The following TNRC6C variants were observed in gnomAD, a reference collection of about 807,000 sequenced individuals.
TNRC6C encodes trinucleotide repeat containing adaptor 6C, also known as trinucleotide repeat-containing gene 6C protein.
A neutral mutation model predicts 153.7 loss-of-function variants in TNRC6C; 20 were observed. The observed-to-expected ratio is 0.13, with a 90% CI of 0.09 to 0.19. The LOEUF (loss-of-function observed/expected upper bound fraction) is 0.19, where lower values mean the gene tolerates loss of function less well. Ranked by LOEUF, TNRC6C falls within the 10% of genes least tolerant of loss-of-function variation. The pLI, the probability that TNRC6C is intolerant of heterozygous loss-of-function variation, is 1.00. For synonymous variants in TNRC6C, 811 were observed against 841.4 expected (o/e 0.96, Z 0.63); for missense variants, 1,987 against 2,172.0 (o/e 0.91, Z 1.69).
chr17:77,979,392 T>A (rs781505484), intron 1 of TNRC6C, among the ~76,000 whole-genome samples: 12 of 152,180 alleles, frequency 7.9e-5, no homozygotes, highest in Non-Finnish European at 1.6e-4. Context: ...CTGTTATGCA[T>A]CAATTAAAAA....
intron 1 of TNRC6C, among the ~76,000 whole-genome samples, chr17:78,010,497 AAT>A (rs1217458510): frequency 1.3e-5 from 2 of 152,318 alleles, no homozygotes; most frequent in East Asian, 3.9e-4. Flanking sequence ...CACACATAGA[AAT>A]ATATGTTTTT....
At chr17:77,980,149 T>TA (rs1359751326) in intron 1 of TNRC6C, among the ~76,000 whole-genome samples, 3 of 152,214 alleles carry the variant, frequency 2.0e-5, no homozygotes, top group Non-Finnish European at 4.4e-5. Context: ...AAAGGATAGA[T>TA]AGACGAATAC....
chr17:78,062,229 A>AC (rs2072783550), intron 3 of TNRC6C, among the ~76,000 whole-genome samples: 1 of 152,094 alleles, frequency 6.6e-6, no homozygotes. Flanking sequence ...GTTAGGACTA[A>AC]CTCCCCTGTT....
chr17:77,993,108 C>G (rs568743977), intron 1 of TNRC6C, among the ~76,000 whole-genome samples: 1 of 151,970 alleles, frequency 6.6e-6, no homozygotes, highest in Non-Finnish European at 1.5e-5. Context: ...TGGGATTACA[C>G]CCGCCATCAT....
chr17:78,086,272 G>A (rs954632627), intron 11 of TNRC6C, among the ~76,000 whole-genome samples: 2 of 139,050 alleles, frequency 1.4e-5, no homozygotes, highest in African/African-American at 5.3e-5. Flanking sequence ...AGAGGTGGCA[G>A]TGAGCTGAGA....
chr17:78,102,077 G>A (rs928112801), intron 17 of TNRC6C, among the ~76,000 whole-genome samples: 4 of 152,174 alleles, frequency 2.6e-5, no homozygotes, highest in African/African-American at 9.7e-5. Context: ...CAGCCTTCAG[G>A]GATTTGCTCT....
At chr17:78,043,650 C>T (rs1027673799) in intron 2 of TNRC6C, among the ~76,000 whole-genome samples, 7 of 152,072 alleles carry the variant, frequency 4.6e-5, no homozygotes, top group African/African-American at 1.7e-4. Context: ...GCCTGTTATG[C>T]TAGTAATTAC....
intron 1 of TNRC6C, among the ~76,000 whole-genome samples, chr17:77,961,500 ACTGT>A (rs58479735): frequency 0.13 from 19,060 of 152,026 alleles, 2,394 homozygotes; most frequent in African/African-American, 0.33. Flanking sequence ...TGATACTGAG[ACTGT>A]CTGTCATAAG....
chr17:78,053,459 A>G (rs1229205962), intron 3 of TNRC6C, among the ~76,000 whole-genome samples: 2 of 151,930 alleles, frequency 1.3e-5, no homozygotes, highest in African/African-American at 4.8e-5. Flanking sequence ...GTGAAACCCC[A>G]TCTCTACTAA....
chr17:78,091,595 C>G (rs373354032), exon 14 of TNRC6C: 117 of 1,555,854 alleles, frequency 7.5e-5, no homozygotes, highest in Middle Eastern at 5.1e-4. Flanking sequence ...GGAGCAGAAC[C>G]CTAGCAAGCA....
At chr17:78,020,879 C>G (rs1260802025) in intron 1 of TNRC6C, among the ~76,000 whole-genome samples, 2 of 152,186 alleles carry the variant, frequency 1.3e-5, no homozygotes, top group Non-Finnish European at 2.9e-5. Flanking sequence ...CTGGGCAGCA[C>G]ATGGTCATCC....
At chr17:77,958,538 GC>G (rs2070830555), upstream of TNRC6C, among the ~76,000 whole-genome samples, 1 of 152,078 alleles carries the variant, frequency 6.6e-6, no homozygotes, top group Non-Finnish European at 1.5e-5. Context: ...CGGGGGAGGA[GC>G]TCAGGTGCAG....
exon 3 of TNRC6C, chr17:78,050,325 G>T: frequency 6.3e-7 from 1 of 1,589,464 alleles, no homozygotes; most frequent in Non-Finnish European, 8.6e-7. Context: ...AAGGCCGAAG[G>T]CGAGATAAAG....
chr17:78,062,084 A>G (rs1254791592), intron 3 of TNRC6C, among the ~76,000 whole-genome samples: 2 of 152,106 alleles, frequency 1.3e-5, no homozygotes, highest in African/African-American at 4.8e-5. Context: ...AACCTTGATA[A>G]TTTTTATTAG....
At chr17:78,103,057 C>T (rs1283661218) in intron 18 of TNRC6C, among the ~76,000 whole-genome samples, 1 of 152,206 alleles carries the variant, frequency 6.6e-6, no homozygotes, top group Non-Finnish European at 1.5e-5. Context: ...CCAGGCCACA[C>T]CCACCTGCAC....
At chr17:77,992,662 G>C (rs1291859205) in intron 1 of TNRC6C, among the ~76,000 whole-genome samples, 1 of 152,154 alleles carries the variant, frequency 6.6e-6, no homozygotes, top group Non-Finnish European at 1.5e-5. Flanking sequence ...ATTTAATAAA[G>C]CCTACCCTGG....
chr17:77,958,881 C>A (rs891506945), upstream of TNRC6C, among the ~76,000 whole-genome samples: 6 of 146,594 alleles, frequency 4.1e-5, no homozygotes, highest in African/African-American at 1.5e-4. Context: ...TCGCAGTAGC[C>A]GCGGGCCCGC....
chr17:78,005,104 G>T, intron 1 of TNRC6C, 25 bp downstream of exon 3: 1 of 1,224,952 alleles, frequency 8.2e-7, no homozygotes, highest in Non-Finnish European at 1.0e-6. Context: ...ATTTAGGGGG[G>T]TACATTTATG....
At chr17:78,030,599 C>T (rs2072052017) in intron 1 of TNRC6C, among the ~76,000 whole-genome samples, 2 of 152,138 alleles carry the variant, frequency 1.3e-5, no homozygotes, top group Admixed American at 1.3e-4. Context: ...TTGACTCAAA[C>T]GTCATTATTT....
Sources: gnomAD v4.1 joint callset for allele counts (sites outside exome capture counted in the v4.1 genomes callset) on GRCh38, gnomAD v4.1.1 for gene constraint, MANE v1.5 for transcripts, NCBI Gene and HGNC (gene_info 2026-07-23, HGNC 2026-07-21) for gene names.